Variants in CWF19L1 observed in about 807,000 individuals in gnomAD.
CWF19L1 encodes CWF19 like cell cycle control factor 1, also known as CWF19-like protein 1.
A neutral mutation model predicts 69.7 loss-of-function variants in CWF19L1; 60 were observed. That is an observed-to-expected ratio of 0.86 (90% CI 0.70 to 1.07). CWF19L1 has a LOEUF of 1.07. Ranked by LOEUF, CWF19L1 falls within the 50% of genes least tolerant of loss-of-function variation. The probability of loss-of-function intolerance (pLI) is 0.00; values close to 1 mark genes in which losing one functional copy is unlikely to be tolerated. For synonymous variants in CWF19L1, 209 were observed against 222.2 expected (o/e 0.94, Z 0.53); for missense variants, 591 against 638.9 (o/e 0.92, Z 0.81).
chr10:100,253,697 A>G (rs980939247), intron 5 of CWF19L1, 158 bp from the exon 6 acceptor site: 3 of 537,254 alleles, frequency 5.6e-6, no homozygotes, highest in Non-Finnish European at 9.9e-6. Context: ...GCAATCAGAG[A>G]AAAAATCTTA....
intron 12 of CWF19L1, 84 bp from the exon 13 acceptor site, chr10:100,235,848 G>T: frequency 1.1e-6 from 1 of 950,140 alleles, no homozygotes; most frequent in Non-Finnish European, 1.6e-6. Flanking sequence ...AAATAATTCA[G>T]TCTAAATGCA....
chr10:100,249,140 T>C (rs980540488), intron 7 of CWF19L1: 6 of 408,340 alleles, frequency 1.5e-5, no homozygotes, highest in South Asian at 1.4e-4. Context: ...TAACACTGTC[T>C]TCCTTCTGCC....
intron 3 of CWF19L1, among the ~76,000 whole-genome samples, chr10:100,260,679 T>A (rs185613958): frequency 2.0e-3 from 306 of 152,186 alleles, no homozygotes; most frequent in African/African-American, 7.2e-3. Context: ...TGCGCCACCA[T>A]GCCCTGCTAA....
At chr10:100,243,911 C>G in intron 9 of CWF19L1, 134 bp from the exon 10 acceptor site, 1 of 699,710 alleles carries the variant, frequency 1.4e-6, no homozygotes, top group Non-Finnish European at 2.6e-6. Context: ...TGGGCTGAGC[C>G]TGTGCTCCTC....
Position 100,262,035 on chromosome 10 carries a change from A to G in CWF19L1, c.52T>C (p.Phe18Leu). The stretch of plus-strand genomic sequence containing the variant: ...TGAACTCTATTGAATAAAATATCAA[A>G]CTTTCCTTCAACATCTCCACAAGCC... Reference protein sequence around the residue: ...LLACGDVEGKFDILFNRVQAI... With the variant: ...LLACGDVEGKLDILFNRVQAI... Residue 18 changes from phenylalanine to leucine, a missense_variant, in exon 2 of 14, where the codon TTT becomes CTT. This residue lies in a region of CWF19L1 where 129 missense variants were observed against 131.3 expected (regional missense o/e 0.98). Coordinates refer to ENST00000354105, the MANE Select transcript of CWF19L1 (RefSeq NM_018294.6). 6.2e-7 allele frequency: 1 copy of G among 1,610,982 alleles called. No homozygotes were observed.
intron 5 of CWF19L1, chr10:100,254,701 G>T (rs931718006): frequency 6.6e-6 from 1 of 152,084 alleles, no homozygotes; most frequent in African/African-American, 2.4e-5. Context: ...TATAAGCCTT[G>T]ATCAAAATCA....
intron 11 of CWF19L1, chr10:100,237,220 G>C: frequency 1.5e-6 from 1 of 674,852 alleles, no homozygotes; most frequent in Non-Finnish European, 2.8e-6. Context: ...ACAAGCCTTT[G>C]CCATCTCCGA....
intron 10 of CWF19L1, among the ~76,000 whole-genome samples, chr10:100,242,682 A>G (rs1369919308): frequency 6.6e-6 from 1 of 152,084 alleles, no homozygotes; most frequent in Admixed American, 6.6e-5. Flanking sequence ...TCAAAAAAAA[A>G]AAAAAAAAAA....
chr10:100,265,458 T>TACA (rs1847543007), intron 1 of CWF19L1, among the ~76,000 whole-genome samples: 1 of 149,938 alleles, frequency 6.7e-6, no homozygotes, highest in Non-Finnish European at 1.5e-5. Context: ...CCATTCATGA[T>TACA]AAGTGTCCTA....
At chr10:100,258,805 T>C (rs1847295967) in intron 4 of CWF19L1, 1 of 149,838 alleles carries the variant, frequency 6.7e-6, no homozygotes, top group Non-Finnish European at 1.5e-5. Context: ...TGAACTATGA[T>C]GGGGAAGGAG....
rs76371966 is a variant in CWF19L1, at chr10:100,245,658, T to C, written c.964+141A>G. On this transcript the variant is annotated intron_variant, in intron 9 of 13. Transcript: ENST00000354105. The stretch of plus-strand genomic sequence containing the variant: ...CCTGGCCAAGGCCATGTTTATATTT[T>C]ATTTTTACTGTTGGTCCTAATGACT... 5,231 of 632,690 alleles carry C rather than the reference T, an allele frequency of 8.3e-3. 163 individuals are homozygous for C. The highest frequency in any genetic ancestry group is 0.055 in the East Asian group (1,999 of 36,512). 39.2% of individuals were successfully genotyped at this position (632,690 alleles called of 1,614,324 possible).
chr10:100,265,655 G>C (rs1847555815), intron 1 of CWF19L1, among the ~76,000 whole-genome samples: 1 of 151,698 alleles, frequency 6.6e-6, no homozygotes, highest in South Asian at 2.1e-4. Context: ...TGAGTAGCTG[G>C]GATTACAGGC....
At chr10:100,261,349 A>G (rs1302777828) in intron 2 of CWF19L1, among the ~76,000 whole-genome samples, 1 of 152,262 alleles carries the variant, frequency 6.6e-6, no homozygotes, top group African/African-American at 2.4e-5. Context: ...CCACTCTGCC[A>G]TTCATGGCTC....
chr10:100,248,855 C>T (rs2134296477), intron 7 of CWF19L1: 1 of 1,132,032 alleles, frequency 8.8e-7, no homozygotes, highest in South Asian at 1.2e-5. Flanking sequence ...AGATTTGTGG[C>T]AGAAAAGGCT....
At chr10:100,246,142 C>G in intron 8 of CWF19L1, 2 of 446,722 alleles carry the variant, frequency 4.5e-6, no homozygotes, top group Non-Finnish European at 8.1e-6. Flanking sequence ...TTTGGAAAAA[C>G]GAGTTAAAAT....
intron 7 of CWF19L1, chr10:100,248,817 G>A (rs892921469): frequency 1.8e-5 from 25 of 1,403,566 alleles, no homozygotes; most frequent in Middle Eastern, 1.9e-4. Context: ...AAGCCAAACA[G>A]GTGGCTCAGC....
Position 100,233,163 on chromosome 10 carries a change from A to G in CWF19L1, c.*64T>C. ...ACTTTGTCTCAAAAAAAATTCTTTT[A>G]ATTAAAAAAAAAAAAAAGCTTTACT... On this transcript the variant is annotated 3_prime_UTR_variant, in exon 14 of 14. Coordinates refer to ENST00000354105, the MANE Select transcript of CWF19L1 (RefSeq NM_018294.6). The G allele has an allele frequency of 6.8e-7, 1 of 1,476,372 alleles. No individual in the cohort carries two copies. Among genetic ancestry groups the G allele is most frequent in the Non-Finnish European group, 9.1e-7 (1 of 1,102,012 alleles). 91.5% of individuals were successfully genotyped at this position (1,476,372 alleles called of 1,614,324 possible). A position where few individuals can be genotyped will look rare whatever the true frequency, so the allele number is the denominator to read the frequency against.
At chr10:100,237,133 T>A in intron 11 of CWF19L1, 164 bp from the exon 12 acceptor site, 3 of 871,744 alleles carry the variant, frequency 3.4e-6, no homozygotes, top group Non-Finnish European at 5.7e-6. Context: ...CTGTAAGGAC[T>A]TAAACTTATG....
chr10:100,257,167 G>A (rs1391682172), intron 4 of CWF19L1, among the ~76,000 whole-genome samples: 2 of 151,828 alleles, frequency 1.3e-5, no homozygotes, highest in African/African-American at 4.8e-5. Context: ...CTCAGCTGGC[G>A]CTTTTTGTTC....
Sources: allele counts gnomAD v4.1 joint callset (sites outside exome capture counted in the v4.1 genomes callset), GRCh38; gene constraint gnomAD v4.1.1; regional missense constraint gnomAD v4.1.1; transcripts MANE v1.5; gene names NCBI Gene and HGNC (gene_info 2026-07-23, HGNC 2026-07-21).